SBNO2: variants seen among roughly 807,000 people sequenced by gnomAD.
SBNO2 encodes strawberry notch homolog 2.
SBNO2 carries 89 observed loss-of-function variants against 146.3 expected under a neutral mutation model. The ratio of observed to expected loss-of-function variants is 0.61; its 90% CI spans 0.51 to 0.73. The LOEUF (loss-of-function observed/expected upper bound fraction) is 0.73, where lower values mean the gene tolerates loss of function less well. Ranked by LOEUF, SBNO2 falls within the 30% of genes least tolerant of loss-of-function variation. The probability of loss-of-function intolerance (pLI) is 0.00; values close to 1 mark genes in which losing one functional copy is unlikely to be tolerated. For missense variants in SBNO2, 2,092 were observed against 2,003.7 expected (o/e 1.04, Z -0.84); for synonymous variants, 1,147 against 892.6 (o/e 1.29, Z -5.08).
intron 16 of SBNO2, 145 bp downstream of exon 16, chr19:1,116,684 T>C (rs2079835914): frequency 1.6e-6 from 1 of 643,958 alleles, no homozygotes; most frequent in East Asian, 3.0e-5. Context: ...AAGGCCTCTG[T>C]GGCTGAGGCT....
intron 1 of SBNO2, among the ~76,000 whole-genome samples, chr19:1,163,305 C>G (rs1002072566): frequency 6.6e-6 from 1 of 152,224 alleles, no homozygotes; most frequent in Non-Finnish European, 1.5e-5. Flanking sequence ...GGAGACGGAG[C>G]AGAGGCTGGA....
rs778062837 is a variant in SBNO2, at chr19:1,108,272, T to TGCCGCTCGGGACC, written c.4036_4048dup (p.Gln1350ArgfsTer26). ...GGGTGGGCTGAACTGGATCACGCTC[T>TGCCGCTCGGGACC]GCCGCTCGGGACCACCGCCCGCCGC... is the stretch of plus-strand genomic sequence containing the variant. On this transcript the variant is annotated frameshift_variant, in exon 32 of 32. Coordinates refer to ENST00000361757, the MANE Select transcript of SBNO2 (RefSeq NM_014963.3). LOFTEE classifies it high-confidence loss of function. The TGCCGCTCGGGACC allele has an allele frequency of 1.3e-6, 2 of 1,518,156 alleles. No individual in the cohort carries two copies. Among genetic ancestry groups the TGCCGCTCGGGACC allele is most frequent in the South Asian group, 2.4e-5 (2 of 82,748 alleles). 94.0% of individuals were successfully genotyped at this position (1,518,156 alleles called of 1,614,324 possible).
chr19:1,115,840 A>G (rs2079824686), intron 17 of SBNO2, 181 bp downstream of exon 17: 4 of 637,646 alleles, frequency 6.3e-6, no homozygotes, highest in Non-Finnish European at 1.1e-5. Context: ...TAAGCGTTCC[A>G]TGGCAGGGTC....
chr19:1,147,768 C>T (rs983307901), intron 3 of SBNO2, among the ~76,000 whole-genome samples: 1 of 152,116 alleles, frequency 6.6e-6, no homozygotes, highest in African/African-American at 2.4e-5. Context: ...CCCAGCCTGG[C>T]CATCCCTCCC....
At chr19:1,164,393 G>A (rs1034257641) in intron 1 of SBNO2, among the ~76,000 whole-genome samples, 9 of 110,530 alleles carry the variant, frequency 8.1e-5, no homozygotes, top group Non-Finnish European at 1.5e-4. Flanking sequence ...GAGACAGGAG[G>A]AGGAGGAGGA....
intron 24 of SBNO2, among the ~76,000 whole-genome samples, 198 bp from the exon 25 acceptor site, chr19:1,111,291 C>G (rs2079756335): frequency 6.6e-6 from 1 of 152,182 alleles, no homozygotes; most frequent in South Asian, 2.1e-4. Flanking sequence ...GGAGTAAACC[C>G]AAACCCCAGG....
intron 4 of SBNO2, among the ~76,000 whole-genome samples, chr19:1,138,474 T>G (rs971845507): frequency 1.3e-5 from 2 of 151,932 alleles, no homozygotes; most frequent in Non-Finnish European, 2.9e-5. Flanking sequence ...TGGACGCTGC[T>G]AACAGCGATT....
At chr19:1,141,707 A>G (rs114789286) in intron 4 of SBNO2, among the ~76,000 whole-genome samples, 3,047 of 152,110 alleles carry the variant, frequency 0.02, 40 homozygotes, top group African/African-American at 0.027. Context: ...GAACTCCCAG[A>G]CTCAAGCGAT....
At chr19:1,122,012 T>G in intron 11 of SBNO2, 127 bp downstream of exon 11, 23 of 286,512 alleles carry the variant, frequency 8.0e-5, no homozygotes, top group East Asian at 1.1e-4. Context: ...ACCCCTCCGC[T>G]CCTACCCTCT....
At chr19:1,120,926 C>T (rs1399622624) in intron 11 of SBNO2, among the ~76,000 whole-genome samples, 2 of 151,076 alleles carry the variant, frequency 1.3e-5, no homozygotes, top group African/African-American at 2.4e-5. Context: ...CAGTCTCGCT[C>T]TGTCGCCTGG....
chr19:1,112,252 G>A lies in SBNO2; in HGVS notation c.2565C>T (p.Leu855=), dbSNP rs367989265. Residue 855 remains leucine (L), a synonymous_variant, in exon 22 of 32, where the codon CTC becomes CTT. Coordinates refer to ENST00000361757, the MANE Select transcript of SBNO2 (RefSeq NM_014963.3). The surrounding 1 kb of genome is among the most constrained non-coding windows in gnomAD (Gnocchi z 5.9). ...NQVSAPEYVF[L]ISELAGERRF... is the part of the protein sequence containing the mutation. ...GGCGCTCCCCGGCCAGCTCCGAGAT[G>A]AGGAAGACATACTCTGGCGCGGAGA... 7.5e-6 allele frequency: 12 copies of A among 1,593,606 alleles called. No individual in the cohort carries two copies. The highest frequency in any genetic ancestry group is 1.7e-5 in the Admixed American group (1 of 57,188).
In SBNO2 at chr19:1,109,908, T is replaced by C. The variant is rs56248610; in HGVS notation, c.3029-131A>G. On this transcript the variant is annotated intron_variant, in intron 26 of 31. Coordinates refer to ENST00000361757, the MANE Select transcript of SBNO2 (RefSeq NM_014963.3). The surrounding 1 kb of genome is among the most constrained non-coding windows in gnomAD (Gnocchi z 4.2). Reference sequence around the variant, plus strand: ...GCACAGGAGAGGGTGTCCTGGATCCTGGCCTGACCTGGCCCAGCGTGGGGA... The same window carrying C: ...GCACAGGAGAGGGTGTCCTGGATCCCGGCCTGACCTGGCCCAGCGTGGGGA... The C allele has an allele frequency of 0.2, 134,576 of 664,408 alleles. 14,588 individuals are homozygous for C. The highest frequency in any genetic ancestry group is 0.22 in the Non-Finnish European group (87,171 of 392,594). 41.2% of individuals were successfully genotyped at this position (664,408 alleles called of 1,614,324 possible).
chr19:1,149,212 C>T (rs2080220149), intron 3 of SBNO2, among the ~76,000 whole-genome samples, 157 bp downstream of exon 3: 1 of 150,416 alleles, frequency 6.6e-6, no homozygotes, highest in African/African-American at 2.5e-5. Context: ...TGGACCTGGC[C>T]CGTGGGGTGG....
intron 4 of SBNO2, among the ~76,000 whole-genome samples, chr19:1,146,277 C>T (rs906726582): frequency 3.3e-5 from 5 of 152,216 alleles, no homozygotes; most frequent in African/African-American, 7.2e-5. Context: ...ACTCAGGGTC[C>T]GGCTGGCTTT....
chr19:1,155,793 G>A (rs934371128), intron 1 of SBNO2, among the ~76,000 whole-genome samples: 3 of 152,130 alleles, frequency 2.0e-5, no homozygotes, highest in African/African-American at 4.8e-5. Flanking sequence ...TGCTGATACC[G>A]GGGTCCCCAT....
In SBNO2 at chr19:1,157,628, A is replaced by C. The variant is rs1349675740; in HGVS notation, c.-126-3226T>G. On this transcript the variant is annotated intron_variant, in intron 1 of 31. Transcript: ENST00000361757. This position sits in a 1 kb window ranked among gnomAD's most constrained non-coding sequence, Gnocchi z 6.8. ...GGGAGGGGGCCCGCGCTTTATCAGC[A>C]CGCTGACACCCAGAGGGGATGTGGC... Among the ~76,000 whole-genome samples, 1 of 152,224 alleles carries C rather than the reference A, an allele frequency of 6.6e-6. No individual in the cohort carries two copies. Among genetic ancestry groups the C allele is most frequent in the Non-Finnish European group, 1.5e-5 (1 of 68,034 alleles).
rs531211957 is a variant in SBNO2 at position 1,126,048 on chromosome 19, C to G, written c.441+1556G>C. Reference sequence around the variant, plus strand: ...GCATCTCTTCTAGACCCGGTCCCCCCCTTGAACTCCAACGTCCTGAGACGG... The same window carrying G: ...GCATCTCTTCTAGACCCGGTCCCCCGCTTGAACTCCAACGTCCTGAGACGG... On this transcript the variant is annotated intron_variant, in intron 5 of 31. Transcript: ENST00000361757. This position sits in a 1 kb window ranked among gnomAD's most constrained non-coding sequence, Gnocchi z 4.4. Among the ~76,000 whole-genome samples the G allele has an allele frequency of 7.2e-5, 11 of 152,304 alleles. No homozygotes were observed. Among genetic ancestry groups the G allele is most frequent in the South Asian group, 6.2e-4 (3 of 4,824 alleles).
Position 1,109,521 on chromosome 19 carries a change from G to A in SBNO2, c.3201C>T (p.Phe1067=), listed in dbSNP as rs1232560563. The change falls in exon 28 of 32, where the codon TTC becomes TTT. Residue 1067 remains phenylalanine, a synonymous_variant. Transcript: ENST00000361757. This position sits in a 1 kb window ranked among gnomAD's most constrained non-coding sequence, Gnocchi z 4.2. ...CCGACCCCACCTTGTAGGAGAGGTA[G>A]AAGCCGTCATAGGGGCCCGTCAGCG... ...SLALTGPYDG[F]YLSYKVRGNK... 3 of 1,599,466 alleles carry A rather than the reference G, an allele frequency of 1.9e-6. No individual in the cohort carries two copies. The highest frequency in any genetic ancestry group is 1.3e-5 in the African/African-American group (1 of 74,716).
In SBNO2 at chr19:1,111,034, G is replaced by A. The variant is rs1049458363; in HGVS notation, c.2869C>T (p.Leu957=). The A allele has an allele frequency of 1.3e-6, 2 of 1,579,410 alleles. No homozygotes were observed. The highest frequency in any genetic ancestry group is 3.7e-5 in the Admixed American group (2 of 54,528). ...IGGRESRNGC[L]DVEKDCSITK... ...GGGCACTCACCCTTCTCCACGTCCA[G>A]GCAGCCATTCCGGGACTCCCGGCCA... is the stretch of plus-strand genomic sequence containing the variant. Residue 957 remains leucine, a synonymous_variant, in exon 25 of 32, where the codon CTG becomes TTG. Transcript: ENST00000361757.
Sources: gnomAD v4.1 joint callset for allele counts (sites outside exome capture counted in the v4.1 genomes callset) on GRCh38, gnomAD v4.1.1 for gene constraint, Gnocchi (gnomAD v3.1) non-coding constraint, MANE v1.5 for transcripts, NCBI Gene and HGNC (gene_info 2026-07-23, HGNC 2026-07-21) for gene names.